The following STAU2 variants were observed in gnomAD, a reference collection of about 807,000 sequenced individuals.
STAU2 encodes double-stranded RNA-binding protein Staufen homolog 2.
In STAU2, 20 loss-of-function variants were observed where a neutral mutation model predicts 65.9. The ratio of observed to expected loss-of-function variants is 0.30; its 90% confidence interval spans 0.21 to 0.44. The LOEUF (loss-of-function observed/expected upper bound fraction) is 0.44. Ranked by LOEUF, STAU2 falls within the 20% of genes least tolerant of loss-of-function variation. STAU2 has a pLI of 1.00. For synonymous variants in STAU2, 232 were observed against 233.9 expected (o/e 0.99, Z 0.07); for missense variants, 558 against 683.9 (o/e 0.82, Z 2.05).
At chr8:73,428,913 C>A (rs1017754910) in intron 13 of STAU2, among the ~76,000 whole-genome samples, 23 of 152,174 alleles carry the variant, frequency 1.5e-4, no homozygotes, top group African/African-American at 4.8e-4. Flanking sequence ...GCAGGTCCCC[C>A]GTGCACTGTC....
intron 12 of STAU2, among the ~76,000 whole-genome samples, chr8:73,571,015 G>C (rs1225455648): frequency 1.3e-5 from 2 of 152,042 alleles, no homozygotes; most frequent in Non-Finnish European, 2.9e-5. Flanking sequence ...CACATGCAGA[G>C]ACACACATAG....
At chr8:73,493,702 A>AAC (rs1222520400) in intron 13 of STAU2, among the ~76,000 whole-genome samples, 2 of 151,658 alleles carry the variant, frequency 1.3e-5, no homozygotes, top group Non-Finnish European at 3.0e-5. Context: ...TCTTATACAA[A>AAC]ACACACACCT....
At chr8:73,732,252 A>C (rs1806121421) in intron 3 of STAU2, among the ~76,000 whole-genome samples, 1 of 152,222 alleles carries the variant, frequency 6.6e-6, no homozygotes, top group Non-Finnish European at 1.5e-5. Context: ...ACAACATGGC[A>C]GCTAACTATT....
chr8:73,576,390 C>T (rs550741897), intron 12 of STAU2, among the ~76,000 whole-genome samples: 7 of 151,434 alleles, frequency 4.6e-5, no homozygotes, highest in Admixed American at 2.6e-4. Flanking sequence ...TACCATACGA[C>T]GCTATTTTTC....
chr8:73,562,320 C>T (rs1808289665), intron 12 of STAU2, among the ~76,000 whole-genome samples: 1 of 151,946 alleles, frequency 6.6e-6, no homozygotes, highest in Non-Finnish European at 1.5e-5. Context: ...GTGCTGTCTC[C>T]ATAAAAAATT....
At chr8:73,448,298 CT>C (rs112124026) in intron 13 of STAU2, among the ~76,000 whole-genome samples, 13 of 149,642 alleles carry the variant, frequency 8.7e-5, no homozygotes, top group East Asian at 2.0e-4. Flanking sequence ...AGATACAAGT[CT>C]TTTTTTTTTG....
intron 6 of STAU2, among the ~76,000 whole-genome samples, chr8:73,666,955 A>G (rs1817283263): frequency 6.6e-6 from 1 of 152,214 alleles, no homozygotes; most frequent in African/African-American, 2.4e-5. Flanking sequence ...TTGTGGCCAT[A>G]AAGAGTGATA....
At chr8:73,467,660 C>T (rs956465479) in intron 13 of STAU2, among the ~76,000 whole-genome samples, 6 of 152,224 alleles carry the variant, frequency 3.9e-5, no homozygotes, top group African/African-American at 1.4e-4. Flanking sequence ...GCATCAATAA[C>T]TTGCCTCCAA....
chr8:73,514,778 C>G (rs1310167927), intron 13 of STAU2, among the ~76,000 whole-genome samples: 1 of 152,054 alleles, frequency 6.6e-6, no homozygotes, highest in Non-Finnish European at 1.5e-5. Flanking sequence ...ATTTTTTCTC[C>G]AACTTTTTTT....
At chr8:73,729,216 T>C (rs906068493) in intron 3 of STAU2, among the ~76,000 whole-genome samples, 2 of 152,264 alleles carry the variant, frequency 1.3e-5, no homozygotes, top group African/African-American at 2.4e-5. Flanking sequence ...ATTCTATTAA[T>C]GTGTTGTACT....
intron 13 of STAU2, among the ~76,000 whole-genome samples, chr8:73,473,140 T>C (rs1820124879): frequency 6.6e-6 from 1 of 152,214 alleles, no homozygotes; most frequent in Non-Finnish European, 1.5e-5. Context: ...AGCATTCATA[T>C]GCTGGCAGGC....
In STAU2 at chr8:73,686,548, C is replaced by CA. The variant is rs111707785; in HGVS notation, c.274+2105dup. Among the ~76,000 whole-genome samples, 593 of 97,654 alleles carry CA rather than the reference C, an allele frequency of 6.1e-3. 7 individuals carry two copies. The highest frequency in any genetic ancestry group is 0.028 in the Middle Eastern group (5 of 178). 64.1% of individuals were successfully genotyped at this position (97,654 alleles called of 152,430 possible). A position where few individuals can be genotyped will look rare whatever the true frequency, so the allele number is the denominator to read the frequency against. On this transcript the variant is annotated intron_variant, in intron 5 of 14. Coordinates refer to ENST00000524300, the MANE Select transcript of STAU2 (RefSeq NM_001164380.2). ...CTGGTGACAGAGCGAGACTCCCCCT[C>CA]AAAAAAAAAAAAAAACAATGGATTT...
intron 13 of STAU2, among the ~76,000 whole-genome samples, chr8:73,424,715 T>C: frequency 6.6e-6 from 1 of 151,886 alleles, no homozygotes; most frequent in South Asian, 2.1e-4. Context: ...CTTTTTTCTT[T>C]CTTCTCTCTT....
chr8:73,470,027 T>C (rs982999968), intron 13 of STAU2, among the ~76,000 whole-genome samples: 1 of 152,208 alleles, frequency 6.6e-6, no homozygotes, highest in Admixed American at 6.5e-5. Flanking sequence ...CTCTGTGACT[T>C]GGGCAAGTGA....
chr8:73,552,232 C>T lies in STAU2; in HGVS notation c.1310G>A (p.Gly437Asp). 6.2e-7 allele frequency: 1 copy of T among 1,613,924 alleles called. No individual in the cohort carries two copies. Among genetic ancestry groups the T allele is most frequent in the Non-Finnish European group, 8.5e-7 (1 of 1,179,862 alleles). The change falls in exon 13 of 15, where the codon GGC becomes GAC. Residue 437 changes from glycine to aspartate, a missense_variant. Coordinates refer to ENST00000524300, the MANE Select transcript of STAU2 (RefSeq NM_001164380.2). ...GTTCATATCTTTGGGTGACAAATAGCCTAGAGTAGTGCCAGAGATTACTTT... is the reference window on the plus strand; with the variant it reads ...GTTCATATCTTTGGGTGACAAATAGTCTAGAGTAGTGCCAGAGATTACTTT... ...RHKVISGTTL[G>D]YLSPKDMNQP...
chr8:73,473,594 C>T (rs972278955), intron 13 of STAU2, among the ~76,000 whole-genome samples: 1 of 152,156 alleles, frequency 6.6e-6, no homozygotes, highest in Non-Finnish European at 1.5e-5. Context: ...ACCTTCTTCC[C>T]CGGGAAGCCC....
chr8:73,652,958 CGAT>C (rs1185757336), intron 6 of STAU2: 3 of 152,008 alleles, frequency 2.0e-5, no homozygotes, highest in African/African-American at 7.3e-5. Context: ...AGATAAAACT[CGAT>C]GTTTTCCACA....
At chr8:73,527,042 T>C (rs1281550089) in intron 13 of STAU2, among the ~76,000 whole-genome samples, 1 of 152,176 alleles carries the variant, frequency 6.6e-6, no homozygotes, top group African/African-American at 2.4e-5. Context: ...AAGGTTACAA[T>C]ACCATATTTT....
At chr8:73,661,548 A>C (rs552691687) in intron 6 of STAU2, among the ~76,000 whole-genome samples, 1 of 152,300 alleles carries the variant, frequency 6.6e-6, no homozygotes, top group African/African-American at 2.4e-5. Flanking sequence ...CACCAAAATG[A>C]AAATACAGAA....
Sources: allele counts gnomAD v4.1 joint callset (sites outside exome capture counted in the v4.1 genomes callset), GRCh38; gene constraint gnomAD v4.1.1; transcripts MANE v1.5; gene names NCBI Gene and HGNC (gene_info 2026-07-23, HGNC 2026-07-21).